Variants in FAM20C observed in about 807,000 individuals in gnomAD.
FAM20C encodes the protein extracellular serine/threonine protein kinase FAM20C.
Under a neutral mutation model 51.5 loss-of-function variants are expected in FAM20C, and 40 were observed. The ratio of observed to expected loss-of-function variants is 0.78; its 90% confidence interval spans 0.60 to 1.01. FAM20C has a LOEUF of 1.01. FAM20C is among the 50% of genes least tolerant of loss of function. FAM20C has a pLI of 0.00. For synonymous variants in FAM20C, 406 were observed against 380.6 expected, an observed-to-expected ratio of 1.07 and a Z score of -0.78; for missense variants, 861 against 844.7, an observed-to-expected ratio of 1.02 and a Z score of -0.24.
chr7:258,940 C>T (rs1788757123), intron 9 of FAM20C, among the ~76,000 whole-genome samples: 1 of 152,218 alleles, frequency 6.6e-6, no homozygotes, highest in Admixed American at 6.5e-5. Flanking sequence ...GGCCTCCACT[C>T]TGTGTCCGTC....
intron 5 of FAM20C, among the ~76,000 whole-genome samples, chr7:253,935 C>T (rs1267479903): frequency 5.9e-5 from 9 of 152,342 alleles, no homozygotes; most frequent in South Asian, 2.1e-4. Flanking sequence ...GCTCCTGCCC[C>T]GGTGGGGGCT....
At chr7:246,844 G>A (rs1043205420) in intron 4 of FAM20C, among the ~76,000 whole-genome samples, 10 of 152,234 alleles carry the variant, frequency 6.6e-5, no homozygotes, top group African/African-American at 2.4e-4. Context: ...GAGGCTCTGT[G>A]AGCGGCGATT....
intron 5 of FAM20C, among the ~76,000 whole-genome samples, chr7:249,242 G>A (rs929667874): frequency 2.0e-5 from 3 of 152,220 alleles, no homozygotes; most frequent in African/African-American, 7.2e-5. Context: ...CCGCCTCGGC[G>A]AAGTGGCTGG....
intron 3 of FAM20C, among the ~76,000 whole-genome samples, chr7:241,143 C>T (rs1447529923): frequency 6.6e-6 from 1 of 151,626 alleles, no homozygotes; most frequent in African/African-American, 2.4e-5. Context: ...CCTGGGGCTG[C>T]TCCCTCCCTG....
At chr7:255,336 C>T (rs1359180639) in intron 5 of FAM20C, among the ~76,000 whole-genome samples, 4 of 152,162 alleles carry the variant, frequency 2.6e-5, no homozygotes, top group Non-Finnish European at 5.9e-5. Flanking sequence ...CTCACGATGG[C>T]GCCCGTCTCT....
chr7:257,153 C>G (rs1788620031), intron 8 of FAM20C, 67 bp downstream of exon 8: 2 of 1,430,184 alleles, frequency 1.4e-6, no homozygotes, highest in African/African-American at 2.8e-5. Context: ...CTGCAGCCCA[C>G]CTGAGACCCT....
rs868787418 is a variant in FAM20C, at chr7:206,911, T to G, written c.785-1987T>G. On this transcript the variant is annotated intron_variant, in intron 2 of 9. Transcript: ENST00000313766. ...GTGTCCACTGTGACGCGTCGGTCACTGTCCCCTCGGCCCCGCACACGTGTC... is the reference window on the plus strand; with the variant it reads ...GTGTCCACTGTGACGCGTCGGTCACGGTCCCCTCGGCCCCGCACACGTGTC... Among the ~76,000 whole-genome samples, 159 of 27,936 alleles carry G rather than the reference T, an allele frequency of 5.7e-3. 13 individuals are homozygous for G. Among genetic ancestry groups the G allele is most frequent in the South Asian group, 7.7e-3 (5 of 650 alleles). The allele number at this position is 27,936 out of a possible 152,430, so 18.3% of individuals were successfully genotyped here.
chr7:233,179 G>A (rs941158440), intron 3 of FAM20C, among the ~76,000 whole-genome samples: 11 of 152,214 alleles, frequency 7.2e-5, no homozygotes, highest in South Asian at 2.1e-4. Context: ...GGGGGCTCCC[G>A]TGAGGACGCG....
intron 2 of FAM20C, among the ~76,000 whole-genome samples, chr7:196,301 A>G (rs1330560871): frequency 1.3e-5 from 2 of 152,246 alleles, no homozygotes; most frequent in Admixed American, 1.3e-4. Context: ...CAACATCTCC[A>G]GGTACTTTGG....
chr7:219,887 C>A (rs765877119), intron 3 of FAM20C, among the ~76,000 whole-genome samples: 31 of 152,222 alleles, frequency 2.0e-4, no homozygotes, highest in Non-Finnish European at 2.9e-4. Context: ...TCCACTGTGG[C>A]CTCACCGGTT....
At chr7:251,678 GACC>G (rs1788409591) in intron 5 of FAM20C, among the ~76,000 whole-genome samples, 1 of 152,140 alleles carries the variant, frequency 6.6e-6, no homozygotes, top group Non-Finnish European at 1.5e-5. Flanking sequence ...GGCGGCCATC[GACC>G]ACCTTTGGTG....
At chr7:210,248 T>C (rs1018311186) in intron 3 of FAM20C, among the ~76,000 whole-genome samples, 5 of 152,126 alleles carry the variant, frequency 3.3e-5, no homozygotes, top group Admixed American at 3.3e-4. Flanking sequence ...TCACAAGCAC[T>C]TCCTTCCCCG....
At chr7:206,796 GT>G (rs1786425412) in intron 2 of FAM20C, among the ~76,000 whole-genome samples, 2 of 98,834 alleles carry the variant, frequency 2.0e-5, no homozygotes, top group Non-Finnish European at 2.0e-5. Flanking sequence ...CCGCACACGT[GT>G]CCACTGTGAC....
In FAM20C at chr7:193,810, T is replaced by G. The variant is rs1562357750; in HGVS notation, c.605+6T>G. The G allele has an allele frequency of 6.4e-6, 10 of 1,553,818 alleles. No homozygotes were observed. In the South Asian group the frequency reaches 1.2e-4, roughly 18 times the overall value. The stretch of plus-strand genomic sequence containing the variant: ...GCGGCGGAGAACCCGGACTGGTGAG[T>G]GGGGGCTGGCAGGTGCCCACCCCCA... On this transcript the variant is annotated splice_donor_region_variant and intron_variant, in intron 1 of 9. Coordinates refer to ENST00000313766, the MANE Select transcript of FAM20C (RefSeq NM_020223.4).
intron 3 of FAM20C, among the ~76,000 whole-genome samples, chr7:209,675 G>A (rs1033605379): frequency 2.0e-5 from 3 of 152,220 alleles, no homozygotes; most frequent in African/African-American, 4.8e-5. Flanking sequence ...TGTGGCAGGC[G>A]TCCCACAGGA....
intron 2 of FAM20C, among the ~76,000 whole-genome samples, chr7:202,763 A>C (rs112153598): frequency 4.2e-4 from 54 of 128,152 alleles, no homozygotes; most frequent in East Asian, 1.3e-3. Context: ...GATATCTTCC[A>C]GTGTGCATAG....
chr7:242,272 G>A (rs1433255630), intron 3 of FAM20C, among the ~76,000 whole-genome samples: 1 of 152,250 alleles, frequency 6.6e-6, no homozygotes, highest in African/African-American at 2.4e-5. Context: ...GTCAGTGGCA[G>A]CAGCAAGATG....
At chr7:223,508 G>A (rs1308454567) in intron 3 of FAM20C, among the ~76,000 whole-genome samples, 1 of 152,242 alleles carries the variant, frequency 6.6e-6, no homozygotes, top group Non-Finnish European at 1.5e-5. Flanking sequence ...AAGGATGCAG[G>A]AGGAGCAGAG....
At chr7:210,240 A>G (rs1786647498) in intron 3 of FAM20C, among the ~76,000 whole-genome samples, 1 of 152,076 alleles carries the variant, frequency 6.6e-6, no homozygotes, top group South Asian at 2.1e-4. Context: ...GCCTGAGATC[A>G]CAAGCACTTC....
Sources: allele counts gnomAD v4.1 joint callset (sites outside exome capture counted in the v4.1 genomes callset), GRCh38; gene constraint gnomAD v4.1.1; transcripts MANE v1.5; gene names NCBI Gene and HGNC (gene_info 2026-07-23, HGNC 2026-07-21).